Variants in FAM81B observed in about 807,000 individuals in gnomAD.
FAM81B encodes the protein family with sequence similarity 81 member B, also known as protein FAM81B.
FAM81B carries 60 observed loss-of-function variants against 58.7 expected under a neutral mutation model. The ratio of observed to expected loss-of-function variants is 1.02; its 90% CI spans 0.83 to 1.27. FAM81B has a LOEUF of 1.27. Among genes scored for constraint, FAM81B ranks in the 50% most tolerant of loss-of-function variants. The pLI, the probability that FAM81B is intolerant of heterozygous loss-of-function variation, is 0.00. For missense variants in FAM81B, 491 were observed against 522.0 expected, an observed-to-expected ratio of 0.94 and a Z score of 0.58; for synonymous variants, 189 against 179.6, an observed-to-expected ratio of 1.05 and a Z score of -0.42.
rs1352106280 is a variant in FAM81B, at chr5:95,396,261, TTTAA to T, written c.293+90_293+93del. 5 of 1,051,920 alleles carry T rather than the reference TTTAA, an allele frequency of 4.8e-6. No individual in the cohort carries two copies. In the South Asian group the frequency reaches 4.8e-5, roughly 10 times the overall value. 65.2% of individuals were successfully genotyped at this position (1,051,920 alleles called of 1,614,324 possible). A position where few individuals can be genotyped will look rare whatever the true frequency, so the allele number is the denominator to read the frequency against. Reference sequence around the variant, plus strand: ...CACGCAAAAAAGAAAAAATCCTGTGTTTAATTATTCAGTCAGAGATGAATGTACC... The same window carrying T: ...CACGCAAAAAAGAAAAAATCCTGTGTTTATTCAGTCAGAGATGAATGTACC... On this transcript the variant is annotated intron_variant, in intron 3 of 9. Transcript: ENST00000283357.
At chr5:95,419,680 A>G (rs1365227910) in intron 4 of FAM81B, among the ~76,000 whole-genome samples, 1 of 152,186 alleles carries the variant, frequency 6.6e-6, no homozygotes, top group Non-Finnish European at 1.5e-5. Flanking sequence ...CAAAATCTGG[A>G]CACAAATGAG....
rs1762478385 is a variant in FAM81B at position 95,414,194 on chromosome 5, G to T, written c.537+4G>T. On this transcript the variant is annotated splice_donor_region_variant and intron_variant, in intron 4 of 9. Coordinates refer to ENST00000283357, the MANE Select transcript of FAM81B (RefSeq NM_152548.3). ...AAAACTCAGCCAAAATATTGAGGTAGTTCTCTTTTTGTTTTATTTTGTTTT... is the reference window on the plus strand; with the variant it reads ...AAAACTCAGCCAAAATATTGAGGTATTTCTCTTTTTGTTTTATTTTGTTTT... 1 of 1,588,482 alleles carries T rather than the reference G, an allele frequency of 6.3e-7. No homozygotes were observed. The highest frequency in any genetic ancestry group is 1.4e-5 in the African/African-American group (1 of 70,510).
intron 3 of FAM81B, among the ~76,000 whole-genome samples, chr5:95,399,371 A>G (rs1277817883): frequency 6.6e-6 from 1 of 152,170 alleles, no homozygotes; most frequent in African/African-American, 2.4e-5. Flanking sequence ...ATGAGAAAGG[A>G]AGACAAAACT....
At chr5:95,400,810 C>T (rs953348820) in intron 3 of FAM81B, among the ~76,000 whole-genome samples, 2 of 151,950 alleles carry the variant, frequency 1.3e-5, no homozygotes, top group South Asian at 2.1e-4. Flanking sequence ...AGCCCTCTTC[C>T]GGGCAACCTC....
chr5:95,392,606 T>C (rs911923292), intron 1 of FAM81B, among the ~76,000 whole-genome samples, 188 bp from the exon 2 acceptor site: 3 of 152,086 alleles, frequency 2.0e-5, no homozygotes, highest in African/African-American at 4.8e-5. Context: ...TAGCTAACTA[T>C]AGATGTTATG....
intron 3 of FAM81B, among the ~76,000 whole-genome samples, chr5:95,399,857 C>A (rs1762060938): frequency 6.6e-6 from 1 of 152,172 alleles, no homozygotes. Context: ...GAAAGACACA[C>A]CTTTCTCCTC....
At chr5:95,415,685 T>C (rs1171177830) in intron 4 of FAM81B, among the ~76,000 whole-genome samples, 5 of 152,146 alleles carry the variant, frequency 3.3e-5, no homozygotes, top group Non-Finnish European at 7.4e-5. Context: ...AAGATTCCAA[T>C]TTAGGAGTCA....
At chr5:95,393,097 T>G (rs1761871799) in intron 2 of FAM81B, among the ~76,000 whole-genome samples, 200 bp downstream of exon 2, 1 of 152,186 alleles carries the variant, frequency 6.6e-6, no homozygotes, top group South Asian at 2.1e-4. Flanking sequence ...TTAATTAGAC[T>G]GATTTTTAAT....
At chr5:95,436,409 T>C (rs1254024183) in intron 6 of FAM81B, among the ~76,000 whole-genome samples, 1 of 152,180 alleles carries the variant, frequency 6.6e-6, no homozygotes, top group Non-Finnish European at 1.5e-5. Flanking sequence ...GCACTGAGGA[T>C]ATGGTGGTAA....
At chr5:95,395,157 C>T (rs1016704378) in intron 2 of FAM81B, among the ~76,000 whole-genome samples, 1 of 151,972 alleles carries the variant, frequency 6.6e-6, no homozygotes, top group African/African-American at 2.4e-5. Flanking sequence ...AAGGCATTTT[C>T]GGCTGGGCGC....
In FAM81B at chr5:95,448,321, T is replaced by C; in HGVS notation, c.1082T>C (p.Val361Ala). ...EEKLLQLSSK[V>A]ENFINTQKQE... The stretch of plus-strand genomic sequence containing the variant: ...AAACTGCTGCAGCTTTCAAGCAAAG[T>C]AGAGAATTTCATTAACACACAGAAA... Residue 361 changes from valine (V) to alanine (A), a missense_variant, in exon 9 of 10, where the codon GTA (valine) becomes GCA (alanine). Transcript: ENST00000283357. The C allele has an allele frequency of 6.2e-7, 1 of 1,609,888 alleles. No individual in the cohort carries two copies. Among genetic ancestry groups the C allele is most frequent in the Non-Finnish European group, 8.5e-7 (1 of 1,178,890 alleles).
At chr5:95,393,704 A>G (rs1761890854) in intron 2 of FAM81B, among the ~76,000 whole-genome samples, 1 of 152,288 alleles carries the variant, frequency 6.6e-6, no homozygotes, top group South Asian at 2.1e-4. Context: ...TCAGCTTCTT[A>G]AGGTAACTAA....
intron 6 of FAM81B, among the ~76,000 whole-genome samples, chr5:95,433,470 A>C (rs1744987242): frequency 1.3e-5 from 2 of 152,132 alleles, no homozygotes; most frequent in Non-Finnish European, 2.9e-5. Context: ...ATTCAAGATG[A>C]GATTTGGATG....
intron 5 of FAM81B, 106 bp downstream of exon 5, chr5:95,420,508 T>C: frequency 6.9e-7 from 1 of 1,446,474 alleles, no homozygotes; most frequent in Non-Finnish European, 9.4e-7. Flanking sequence ...GTCTACACAT[T>C]AAGCTAAACT....
chr5:95,411,838 A>G (rs1483020035), intron 3 of FAM81B, among the ~76,000 whole-genome samples: 1 of 152,252 alleles, frequency 6.6e-6, no homozygotes, highest in Non-Finnish European at 1.5e-5. Context: ...GTGATAATGC[A>G]CTTTTGTGGA....
intron 3 of FAM81B, among the ~76,000 whole-genome samples, chr5:95,413,244 G>A (rs1762450852): frequency 6.6e-6 from 1 of 152,148 alleles, no homozygotes; most frequent in Non-Finnish European, 1.5e-5. Context: ...CTCACGTTGT[G>A]CACTCAGACT....
rs187120779 is a variant in FAM81B at position 95,394,553 on chromosome 5, C to T, written c.229-1558C>T. ...ACAGGAGTGAAAACACTCTCCACGG[C>T]AGAAGGCATCAGGTCCTCTGACTTA... On this transcript the variant is annotated intron_variant, in intron 2 of 9. Coordinates refer to ENST00000283357, the MANE Select transcript of FAM81B (RefSeq NM_152548.3). Among the ~76,000 whole-genome samples the T allele has an allele frequency of 9.2e-5, 14 of 152,306 alleles. 1 individual carries two copies. The East Asian group carries it at 2.7e-3, about 29-fold the overall frequency.
At position 95,450,151 on chromosome 5, in the gene FAM81B, T is replaced by C. The variant is rs1478869311; in HGVS notation, c.1228T>C (p.Phe410Leu). 3.1e-6 allele frequency: 5 copies of C among 1,608,866 alleles called. No individual in the cohort carries two copies. In the Admixed American group the frequency reaches 6.8e-5, roughly 22 times the overall value. ...CCTATTCTTTTACCCTCTTACAGGA[T>C]TTAAATCAATTCATGACTCTCTCAG... ...ETMQNEYQSG[F>L]KSIHDSLSSL... Residue 410 changes from phenylalanine to leucine, a missense_variant and splice_region_variant, in exon 10 of 10, where the codon TTT (phenylalanine) becomes CTT (leucine). Physicochemically the swap from Phe to Leu is conservative, Grantham distance 22. Coordinates refer to ENST00000283357, the MANE Select transcript of FAM81B (RefSeq NM_152548.3).
chr5:95,442,396 C>T (rs1745395761), intron 7 of FAM81B, among the ~76,000 whole-genome samples: 1 of 152,120 alleles, frequency 6.6e-6, no homozygotes, highest in African/African-American at 2.4e-5. Flanking sequence ...TGAAGATACT[C>T]AATGCACCCA....
Sources: allele counts gnomAD v4.1 joint callset (sites outside exome capture counted in the v4.1 genomes callset), GRCh38; gene constraint gnomAD v4.1.1; transcripts MANE v1.5; gene names NCBI Gene and HGNC (gene_info 2026-07-23, HGNC 2026-07-21).